The following FAXC variants were observed in gnomAD, a reference collection of about 807,000 sequenced individuals.
FAXC encodes the protein failed axon connections homolog.
FAXC carries 10 observed loss-of-function variants against 41.9 expected under a neutral mutation model. That is an observed-to-expected ratio of 0.24 (90% confidence interval 0.15 to 0.41). FAXC has a LOEUF of 0.41. Among genes scored for constraint, FAXC ranks in the 10% least tolerant of loss-of-function variants. FAXC has a pLI of 1.00. For synonymous variants in FAXC, 183 were observed against 183.8 expected (o/e 1.00, Z 0.03); for missense variants, 399 against 510.9 (o/e 0.78, Z 2.11).
intron 5 of FAXC, among the ~76,000 whole-genome samples, chr6:99,284,403 T>G (rs894666704): frequency 4.6e-5 from 7 of 152,020 alleles, no homozygotes; most frequent in Non-Finnish European, 8.8e-5. Flanking sequence ...TGATAAAGAG[T>G]GAAACAGAGA....
rs559040230 is a variant in FAXC, at chr6:99,274,390, C to T, written c.*6774G>A. 1 of 152,242 alleles carries T rather than the reference C, an allele frequency of 6.6e-6. No individual in the cohort carries two copies. The highest frequency in any genetic ancestry group is 2.4e-5 in the African/African-American group (1 of 41,552). The allele number at this position is 152,242 out of a possible 1,614,324, so 9.4% of individuals were successfully genotyped here. ...GAAAACTTTCAATTGCCTGATACAT[C>T]TCTACCACAGCCATACCACATGGTT... On this transcript the variant is annotated 3_prime_UTR_variant, in exon 6 of 6. Transcript: ENST00000389677.
chr6:99,281,141 A>G lies in FAXC; in HGVS notation c.*23T>C. 2 of 1,104,098 alleles carry G rather than the reference A, an allele frequency of 1.8e-6. No individual in the cohort carries two copies. Among genetic ancestry groups the G allele is most frequent in the Non-Finnish European group, 2.8e-6 (2 of 716,936 alleles). 68.4% of individuals were successfully genotyped at this position (1,104,098 alleles called of 1,614,324 possible). ...ACCCAGGGAGTGGCAGGTCCCAAGG[A>G]AGAGGGTCAGTGAGGCTGGACGTCA... On this transcript the variant is annotated 3_prime_UTR_variant, in exon 6 of 6. Coordinates refer to ENST00000389677, the MANE Select transcript of FAXC (RefSeq NM_032511.4).
At chr6:99,333,684 C>T in intron 2 of FAXC, 137 bp from the exon 3 acceptor site, 2 of 691,012 alleles carry the variant, frequency 2.9e-6, no homozygotes, top group Non-Finnish European at 4.6e-6. Flanking sequence ...AGGGCATAAA[C>T]TCCTTAAGAC....
At chr6:99,337,925 T>C (rs917048212) in intron 2 of FAXC, among the ~76,000 whole-genome samples, 8 of 152,202 alleles carry the variant, frequency 5.3e-5, no homozygotes, top group African/African-American at 1.9e-4. Flanking sequence ...TTTTAATCTT[T>C]TTAAAATGGC....
rs1770595482 is a variant in FAXC at position 99,275,998 on chromosome 6, G to A, written c.*5166C>T. On this transcript the variant is annotated 3_prime_UTR_variant, in exon 6 of 6. Coordinates refer to ENST00000389677, the MANE Select transcript of FAXC (RefSeq NM_032511.4). ...ATTGATCCCTGGACCTGTTAAAGAT[G>A]GGTTCCCAGAGCCCAGCATTTAGCC... The A allele has an allele frequency of 6.6e-6, 1 of 152,076 alleles. No individual in the cohort carries two copies. The highest frequency in any genetic ancestry group is 1.5e-5 in the Non-Finnish European group (1 of 68,024). 9.4% of individuals were successfully genotyped at this position (152,076 alleles called of 1,614,324 possible). A position where few individuals can be genotyped will look rare whatever the true frequency, so the allele number is the denominator to read the frequency against.
At position 99,349,570 on chromosome 6, in the gene FAXC, G is replaced by T. The variant is rs1314157387; in HGVS notation, c.-198C>A. On this transcript the variant is annotated 5_prime_UTR_variant, in exon 1 of 6. Transcript: ENST00000389677. ...GAAGGGCACTGGCCGCGGACGGCGG[G>T]CCTGGCCGGCGGGGCCCCAGAGCCC... The T allele has an allele frequency of 4.6e-6, 1 of 217,596 alleles. No homozygotes were observed. Among genetic ancestry groups the T allele is most frequent in the Non-Finnish European group, 7.8e-6 (1 of 127,550 alleles). 13.5% of individuals were successfully genotyped at this position (217,596 alleles called of 1,614,324 possible). A position where few individuals can be genotyped will look rare whatever the true frequency, so the allele number is the denominator to read the frequency against.
At position 99,349,394 on chromosome 6, in the gene FAXC, G is replaced by A; in HGVS notation, c.-22C>T. The A allele has an allele frequency of 6.3e-7, 1 of 1,584,538 alleles. No individual in the cohort carries two copies. Among genetic ancestry groups the A allele is most frequent in the Non-Finnish European group, 8.6e-7 (1 of 1,166,618 alleles). On this transcript the variant is annotated 5_prime_UTR_variant, in exon 1 of 6. Coordinates refer to ENST00000389677, the MANE Select transcript of FAXC (RefSeq NM_032511.4). ...GCATGCTGCGCGGCTGGCTCCGGGC[G>A]CCCCTCCCAGGGCCCGCGCCGCCCG...
intron 4 of FAXC, among the ~76,000 whole-genome samples, chr6:99,318,251 T>G (rs891155402): frequency 2.6e-5 from 3 of 114,548 alleles, no homozygotes; most frequent in Non-Finnish European, 5.2e-5. Flanking sequence ...AGAGCAAGAC[T>G]CCGTCTCAAA....
intron 1 of FAXC, among the ~76,000 whole-genome samples, chr6:99,344,653 G>A (rs1773533596): frequency 6.6e-6 from 1 of 152,096 alleles, no homozygotes; most frequent in African/African-American, 2.4e-5. Context: ...TCATTTAAAT[G>A]GAATGTTCGA....
intron 4 of FAXC, among the ~76,000 whole-genome samples, chr6:99,311,488 T>C (rs745551543): frequency 2.0e-5 from 3 of 152,108 alleles, no homozygotes; most frequent in South Asian, 2.1e-4. Flanking sequence ...GGCAGGAGAA[T>C]TGCTTGAACT....
In FAXC at chr6:99,315,825, A is replaced by C. The variant is rs954245128; in HGVS notation, c.823+7619T>G. Among the ~76,000 whole-genome samples, 6 of 152,300 alleles carry C rather than the reference A, an allele frequency of 3.9e-5. No individual in the cohort carries two copies. The East Asian group carries it at 1.2e-3, about 29-fold the overall frequency. The stretch of plus-strand genomic sequence containing the variant: ...TCATTCTTTTATTCACTCATCCAGC[A>C]GATATTTATTGACCACCACTGGTCC... On this transcript the variant is annotated intron_variant, in intron 4 of 5. Coordinates refer to ENST00000389677, the MANE Select transcript of FAXC (RefSeq NM_032511.4).
rs144926857 is a variant in FAXC at position 99,281,780 on chromosome 6, C to A, written c.941-327G>T. Among the ~76,000 whole-genome samples, 188 of 152,302 alleles carry A rather than the reference C, an allele frequency of 1.2e-3. 2 individuals are homozygous for A. Among genetic ancestry groups the A allele is most frequent in the African/African-American group, 4.2e-3 (175 of 41,566 alleles). On this transcript the variant is annotated intron_variant, in intron 5 of 5. Coordinates refer to ENST00000389677, the MANE Select transcript of FAXC (RefSeq NM_032511.4). ...ATCCTGAATGGGCCAGAGTCGTGAT[C>A]CTGCATTTCCCACCATGATCCTGCA... is the stretch of plus-strand genomic sequence containing the variant.
chr6:99,301,552 A>G (rs940667577), intron 4 of FAXC, among the ~76,000 whole-genome samples: 2 of 152,252 alleles, frequency 1.3e-5, no homozygotes, highest in African/African-American at 4.8e-5. Flanking sequence ...TCCAGTGCAT[A>G]CTTCTTTCTC....
intron 5 of FAXC, among the ~76,000 whole-genome samples, chr6:99,284,550 G>A (rs1157223283): frequency 1.5e-5 from 2 of 134,556 alleles, no homozygotes; most frequent in East Asian, 2.2e-4. Context: ...AACAGGTTGT[G>A]TGGAGTGTCT....
chr6:99,291,567 G>T, intron 5 of FAXC, 137 bp downstream of exon 5: 1 of 707,538 alleles, frequency 1.4e-6, no homozygotes. Flanking sequence ...ACCAACCCTA[G>T]CCCTGTACAC....
intron 4 of FAXC, among the ~76,000 whole-genome samples, chr6:99,319,519 T>C (rs1299868907): frequency 2.0e-5 from 3 of 152,142 alleles, no homozygotes; most frequent in East Asian, 1.9e-4. Context: ...GTTTGATTAC[T>C]TCTACATGCC....
chr6:99,320,736 T>A (rs532417304), intron 4 of FAXC, among the ~76,000 whole-genome samples: 2 of 152,356 alleles, frequency 1.3e-5, no homozygotes, highest in Admixed American at 6.5e-5. Context: ...GCCACTCACT[T>A]GGGATTCTTT....
At chr6:99,287,755 CT>C (rs1668139457) in intron 5 of FAXC, among the ~76,000 whole-genome samples, 1 of 152,142 alleles carries the variant, frequency 6.6e-6, no homozygotes, top group Admixed American at 6.5e-5. Context: ...CATGTTACTT[CT>C]TGAGAAAGTC....
intron 5 of FAXC, among the ~76,000 whole-genome samples, chr6:99,281,728 T>G (rs1770845735): frequency 6.6e-6 from 1 of 152,090 alleles, no homozygotes; most frequent in East Asian, 1.9e-4. Context: ...CAGGAAGTGG[T>G]CCCTCCCCCA....
Sources: allele counts gnomAD v4.1 joint callset (sites outside exome capture counted in the v4.1 genomes callset), GRCh38; gene constraint gnomAD v4.1.1; transcripts MANE v1.5; gene names NCBI Gene and HGNC (gene_info 2026-07-23, HGNC 2026-07-21).